The following EPHA5 variants were observed in gnomAD, a reference collection of about 807,000 sequenced individuals.
The protein encoded by EPHA5 is ephrin type-A receptor 5.
In EPHA5, 60 loss-of-function variants were observed where a neutral mutation model predicts 105.0. The ratio of observed to expected loss-of-function variants is 0.57; its 90% CI spans 0.46 to 0.71. EPHA5 has a LOEUF of 0.71. EPHA5 is among the 30% of genes least tolerant of loss of function. The pLI is 0.00. For synonymous variants in EPHA5, 513 were observed against 449.1 expected (o/e 1.14, Z -1.80); for missense variants, 1,218 against 1,274.7 (o/e 0.96, Z 0.68).
chr4:65,533,176 A>T (rs1735981630), intron 3 of EPHA5, among the ~76,000 whole-genome samples: 1 of 152,174 alleles, frequency 6.6e-6, no homozygotes, highest in Non-Finnish European at 1.5e-5. Flanking sequence ...TAACTAAGAT[A>T]AGACAATTTG....
In EPHA5 at chr4:65,445,720, A is replaced by G. The variant is rs185688948; in HGVS notation, c.1403-25155T>C. On this transcript the variant is annotated intron_variant, in intron 5 of 16. Transcript: ENST00000613740. ...AGATTACACTTACTACATTCATTAA[A>G]CAAAAAGTTTAATGTTCTTGTACAA... is the stretch of plus-strand genomic sequence containing the variant. 2.9e-4 allele frequency among the ~76,000 whole-genome samples: 44 copies of G among 152,256 alleles called. No individual in the cohort carries two copies. In the East Asian group the frequency reaches 6.2e-3, roughly 21 times the overall value.
intron 11 of EPHA5, among the ~76,000 whole-genome samples, chr4:65,359,856 C>G (rs913567907): frequency 6.6e-6 from 1 of 151,594 alleles, no homozygotes; most frequent in African/African-American, 2.4e-5. Flanking sequence ...CCCATGTTAG[C>G]TCTACGTCTT....
intron 5 of EPHA5, among the ~76,000 whole-genome samples, chr4:65,481,022 A>G (rs998393637): frequency 3.9e-5 from 6 of 152,178 alleles, no homozygotes; most frequent in Non-Finnish European, 4.4e-5. Flanking sequence ...AACTTCTGGC[A>G]TATAGGGGCA....
chr4:65,411,473 C>T (rs774933387), intron 7 of EPHA5, among the ~76,000 whole-genome samples: 1 of 151,994 alleles, frequency 6.6e-6, no homozygotes, highest in Admixed American at 6.6e-5. Flanking sequence ...TTGGAAAATT[C>T]TTTTTAAAAA....
intron 5 of EPHA5, among the ~76,000 whole-genome samples, chr4:65,456,877 C>A (rs1357379975): frequency 6.6e-6 from 1 of 152,030 alleles, no homozygotes; most frequent in African/African-American, 2.4e-5. Flanking sequence ...CCTTTCATTC[C>A]TTTCTATCTA....
chr4:65,469,294 G>C (rs1009057248), intron 5 of EPHA5, among the ~76,000 whole-genome samples: 6 of 152,088 alleles, frequency 3.9e-5, no homozygotes, highest in African/African-American at 1.4e-4. Flanking sequence ...GTACATTCTG[G>C]TTAAATTTAT....
intron 8 of EPHA5, among the ~76,000 whole-genome samples, chr4:65,367,990 C>T (rs543552935): frequency 5.3e-5 from 8 of 152,092 alleles, no homozygotes; most frequent in East Asian, 1.9e-4. Context: ...TGTCTCTCTT[C>T]GTTTTCTCAA....
intron 3 of EPHA5, among the ~76,000 whole-genome samples, chr4:65,545,322 A>C (rs1327139207): frequency 6.6e-6 from 1 of 151,888 alleles, no homozygotes; most frequent in Non-Finnish European, 1.5e-5. Flanking sequence ...CCATAGATTT[A>C]GTAACCTCCA....
In EPHA5 at chr4:65,510,108, C is replaced by A. The variant is rs577944913; in HGVS notation, c.911-14565G>T. ...GGAGTGCAATGGCGAGATCTCCCCC[C>A]ACTGCAACCTCTGCCTCCCGAGTTC... is the stretch of plus-strand genomic sequence containing the variant. On this transcript the variant is annotated intron_variant, in intron 3 of 16. Coordinates refer to ENST00000613740, the MANE Select transcript of EPHA5 (RefSeq NM_001281766.3). 3.5e-4 allele frequency among the ~76,000 whole-genome samples: 53 copies of A among 151,266 alleles called. No homozygotes were observed. In the Middle Eastern group the frequency reaches 0.014, roughly 39 times the overall value.
intron 5 of EPHA5, among the ~76,000 whole-genome samples, chr4:65,421,879 T>A (rs1225816035): frequency 6.6e-6 from 1 of 152,100 alleles, no homozygotes; most frequent in Non-Finnish European, 1.5e-5. Flanking sequence ...TAATTATGTG[T>A]CATTCAAAAC....
intron 5 of EPHA5, among the ~76,000 whole-genome samples, chr4:65,467,466 T>C (rs1335396306): frequency 6.6e-6 from 1 of 152,184 alleles, no homozygotes; most frequent in Non-Finnish European, 1.5e-5. Context: ...CAGTAGAAAG[T>C]AGTGCATGTA....
At chr4:65,397,616 T>G (rs1721371582) in intron 8 of EPHA5, among the ~76,000 whole-genome samples, 2 of 152,136 alleles carry the variant, frequency 1.3e-5, no homozygotes, top group African/African-American at 4.8e-5. Context: ...TCTAGTTTTT[T>G]TTTTTCCTTT....
chr4:65,587,495 A>T (rs187249560), intron 3 of EPHA5, among the ~76,000 whole-genome samples: 53 of 152,282 alleles, frequency 3.5e-4, no homozygotes, highest in Non-Finnish European at 7.1e-4. Context: ...GTACAGACCA[A>T]AAGTTCAGAA....
At chr4:65,650,454 G>C (rs1004562465) in intron 1 of EPHA5, among the ~76,000 whole-genome samples, 5 of 151,412 alleles carry the variant, frequency 3.3e-5, no homozygotes, top group Non-Finnish European at 5.9e-5. Context: ...CAGCTATTCG[G>C]GAGGCTGAGG....
At chr4:65,416,418 C>G (rs1578065266) in intron 6 of EPHA5, among the ~76,000 whole-genome samples, 1 of 152,162 alleles carries the variant, frequency 6.6e-6, no homozygotes, top group Non-Finnish European at 1.5e-5. Flanking sequence ...AGCGTAATCT[C>G]TACAAAATAG....
intron 2 of EPHA5, among the ~76,000 whole-genome samples, chr4:65,606,535 T>G (rs1744245941): frequency 6.6e-6 from 1 of 152,148 alleles, no homozygotes; most frequent in South Asian, 2.1e-4. Context: ...TTAAAAACAC[T>G]AAGTATTTAT....
intron 3 of EPHA5, among the ~76,000 whole-genome samples, chr4:65,549,226 CATT>C (rs1257301892): frequency 1.3e-5 from 2 of 152,038 alleles, no homozygotes; most frequent in Non-Finnish European, 2.9e-5. Flanking sequence ...AAAATGACAT[CATT>C]AAGTCCTGAA....
intron 11 of EPHA5, among the ~76,000 whole-genome samples, chr4:65,355,487 A>T (rs912700712): frequency 6.6e-6 from 1 of 151,630 alleles, no homozygotes; most frequent in Non-Finnish European, 1.5e-5. Flanking sequence ...TCTAAAATAG[A>T]CACAGTTCTG....
At chr4:65,540,174 A>T (rs192601812) in intron 3 of EPHA5, among the ~76,000 whole-genome samples, 1 of 151,756 alleles carries the variant, frequency 6.6e-6, no homozygotes, top group Non-Finnish European at 1.5e-5. Flanking sequence ...CAATAAATGT[A>T]ATACTAAATT....
Sources: gnomAD v4.1 joint callset for allele counts (sites outside exome capture counted in the v4.1 genomes callset) on GRCh38, gnomAD v4.1.1 for gene constraint, MANE v1.5 for transcripts, NCBI Gene and HGNC (gene_info 2026-07-23, HGNC 2026-07-21) for gene names.